Variants in DOCK4 observed in about 807,000 individuals in gnomAD.
DOCK4 encodes the protein dedicator of cytokinesis protein 4.
DOCK4 carries 97 observed loss-of-function variants against 268.1 expected under a neutral mutation model. The observed-to-expected ratio is 0.36, with a 90% confidence interval of 0.31 to 0.43. The LOEUF (loss-of-function observed/expected upper bound fraction) is 0.43, where lower values mean the gene tolerates loss of function less well. DOCK4 is among the 20% of genes least tolerant of loss of function. DOCK4 has a pLI of 1.00. For missense variants in DOCK4, 2,145 were observed against 2,455.7 expected (o/e 0.87, Z 2.67); for synonymous variants, 954 against 887.2 (o/e 1.08, Z -1.34).
intron 1 of DOCK4, among the ~76,000 whole-genome samples, chr7:112,036,658 T>C (rs1378531057): frequency 2.2e-3 from 1 of 462 alleles, no homozygotes; most frequent in African/African-American, 3.8e-3. Context: ...GAGGATTTCT[T>C]TTTTTTTTTT....
chr7:112,066,690 C>CATAT lies in DOCK4; in HGVS notation c.38-62563_38-62560dup, dbSNP rs751631282. Among the ~76,000 whole-genome samples, 100 of 20,858 alleles carry CATAT rather than the reference C, an allele frequency of 4.8e-3. 1 individual carries two copies. The highest frequency in any genetic ancestry group is 6.9e-3 in the Non-Finnish European group (81 of 11,762). The allele number at this position is 20,858 out of a possible 152,430, so 13.7% of individuals were successfully genotyped here. On this transcript the variant is annotated intron_variant, in intron 1 of 52. Coordinates refer to ENST00000428084, the MANE Select transcript of DOCK4 (RefSeq NM_001363540.2). ...ATATACATATACATATATACATATACATATATATATATATATATATATATA... is the reference window on the plus strand; with the variant it reads ...ATATACATATACATATATACATATACATATATATATATATATATATATATATATA...
At chr7:112,008,368 C>T (rs1209854816) in intron 1 of DOCK4, among the ~76,000 whole-genome samples, 1 of 152,174 alleles carries the variant, frequency 6.6e-6, no homozygotes, top group Non-Finnish European at 1.5e-5. Flanking sequence ...AAATTCATAG[C>T]ATAACCATTT....
At chr7:111,837,915 G>A (rs1175341559) in intron 25 of DOCK4, among the ~76,000 whole-genome samples, 2 of 151,520 alleles carry the variant, frequency 1.3e-5, no homozygotes, top group Non-Finnish European at 2.9e-5. Flanking sequence ...GGTGAAACCT[G>A]AGCTCTACTA....
chr7:111,990,775 T>C (rs986570099), intron 5 of DOCK4, among the ~76,000 whole-genome samples: 3 of 152,216 alleles, frequency 2.0e-5, no homozygotes, highest in African/African-American at 7.2e-5. Flanking sequence ...CACAATACTC[T>C]TGTAATTAAC....
chr7:111,801,397 C>T (rs1168519538), intron 30 of DOCK4, among the ~76,000 whole-genome samples: 5 of 152,174 alleles, frequency 3.3e-5, no homozygotes, highest in Non-Finnish European at 2.9e-5. Context: ...GCCTGTTAAA[C>T]TTTTCGCTCC....
chr7:111,905,369 T>C (rs771736888), intron 13 of DOCK4, among the ~76,000 whole-genome samples: 6 of 152,226 alleles, frequency 3.9e-5, no homozygotes, highest in Non-Finnish European at 8.8e-5. Context: ...CACCACACTT[T>C]CTTCCTCTTT....
At chr7:112,096,608 T>A (rs1008143558) in intron 1 of DOCK4, among the ~76,000 whole-genome samples, 1 of 152,242 alleles carries the variant, frequency 6.6e-6, no homozygotes, top group African/African-American at 2.4e-5. Flanking sequence ...AAGTATTGCC[T>A]TATTCACAGC....
chr7:111,852,519 A>AC (rs1804664743), intron 23 of DOCK4, among the ~76,000 whole-genome samples: 1 of 151,470 alleles, frequency 6.6e-6, no homozygotes. Context: ...AAAAAAAAAA[A>AC]CCCTGAAAAT....
chr7:111,840,269 C>T (rs1196691421), intron 25 of DOCK4, among the ~76,000 whole-genome samples: 1 of 152,210 alleles, frequency 6.6e-6, no homozygotes, highest in Non-Finnish European at 1.5e-5. Context: ...CATACCCCAC[C>T]ACAAACCGAC....
At chr7:111,851,038 G>A (rs934033722) in intron 23 of DOCK4, among the ~76,000 whole-genome samples, 3 of 152,088 alleles carry the variant, frequency 2.0e-5, no homozygotes, top group Non-Finnish European at 2.9e-5. Context: ...AGAACAATTG[G>A]ATACACATAT....
chr7:112,078,542 T>C (rs1263393780), intron 1 of DOCK4, among the ~76,000 whole-genome samples: 1 of 152,166 alleles, frequency 6.6e-6, no homozygotes, highest in Non-Finnish European at 1.5e-5. Context: ...AGGATCACTG[T>C]GGAATATCAA....
intron 27 of DOCK4, among the ~76,000 whole-genome samples, chr7:111,815,589 G>GATTT (rs200633762): frequency 8.6e-5 from 13 of 150,354 alleles, no homozygotes; most frequent in African/African-American, 3.0e-4. Flanking sequence ...CCAAATTACT[G>GATTT]ATTTATTTAT....
intron 1 of DOCK4, among the ~76,000 whole-genome samples, chr7:112,094,739 T>C (rs1809949534): frequency 6.6e-6 from 1 of 152,180 alleles, no homozygotes; most frequent in Non-Finnish European, 1.5e-5. Context: ...TCCCCAGTGT[T>C]GGAGGTGGGG....
At chr7:111,919,930 T>C (rs1183800168) in intron 12 of DOCK4, among the ~76,000 whole-genome samples, 1 of 152,184 alleles carries the variant, frequency 6.6e-6, no homozygotes, top group Non-Finnish European at 1.5e-5. Context: ...TTTACAGTGG[T>C]CCTTAATTGT....
intron 1 of DOCK4, among the ~76,000 whole-genome samples, chr7:112,045,331 C>A (rs191625792): frequency 5.1e-4 from 77 of 152,258 alleles, no homozygotes; most frequent in South Asian, 1.9e-3. Flanking sequence ...AAAGGCAACA[C>A]CCTTCCACTG....
At chr7:112,067,481 C>T (rs1198442586) in intron 1 of DOCK4, among the ~76,000 whole-genome samples, 2 of 151,828 alleles carry the variant, frequency 1.3e-5, no homozygotes, top group African/African-American at 4.8e-5. Context: ...ACGACTTCAG[C>T]TAAGTTTTAA....
At chr7:112,114,735 T>C (rs1811969117) in intron 1 of DOCK4, among the ~76,000 whole-genome samples, 1 of 134,318 alleles carries the variant, frequency 7.4e-6, no homozygotes, top group Non-Finnish European at 1.7e-5. Context: ...GTGAAACTCC[T>C]ATTTTTTCTG....
chr7:111,898,312 T>C (rs1185911367), intron 15 of DOCK4, among the ~76,000 whole-genome samples: 2 of 152,246 alleles, frequency 1.3e-5, no homozygotes, highest in Middle Eastern at 3.2e-3. Context: ...ATAGTCTCAA[T>C]GGCTCAGGCC....
chr7:111,968,346 C>G (rs1377145322), intron 8 of DOCK4, among the ~76,000 whole-genome samples: 1 of 80,838 alleles, frequency 1.2e-5, no homozygotes, highest in Admixed American at 1.2e-4. Flanking sequence ...CTACAATGAA[C>G]TCAAACAAAT....
Sources: gnomAD v4.1 joint callset for allele counts (sites outside exome capture counted in the v4.1 genomes callset) on GRCh38, gnomAD v4.1.1 for gene constraint, MANE v1.5 for transcripts, NCBI Gene and HGNC (gene_info 2026-07-23, HGNC 2026-07-21) for gene names.